TTC21B: variants seen among roughly 807,000 people sequenced by gnomAD.
TTC21B encodes the protein tetratricopeptide repeat protein 21B.
TTC21B carries 127 observed loss-of-function variants against 175.1 expected under a neutral mutation model. The ratio of observed to expected loss-of-function variants is 0.73; its 90% CI spans 0.63 to 0.84. The LOEUF (loss-of-function observed/expected upper bound fraction) is 0.84, where lower values mean the gene tolerates loss of function less well. Ranked by LOEUF, TTC21B falls within the 40% of genes least tolerant of loss-of-function variation. The pLI is 0.00. For synonymous variants in TTC21B, 524 were observed against 524.5 expected (o/e 1.00, Z 0.01); for missense variants, 1,561 against 1,558.3 (o/e 1.00, Z -0.03).
intron 17 of TTC21B, among the ~76,000 whole-genome samples, 182 bp downstream of exon 17, chr2:165,912,332 C>T (rs1486693881): frequency 6.6e-6 from 1 of 152,090 alleles, no homozygotes; most frequent in South Asian, 2.1e-4. Flanking sequence ...ATAATCACCA[C>T]GAAATGAAGC....
chr2:165,891,986 G>C (rs1310053199), intron 22 of TTC21B, among the ~76,000 whole-genome samples: 1 of 151,856 alleles, frequency 6.6e-6, no homozygotes, highest in Non-Finnish European at 1.5e-5. Context: ...GATTTTGATC[G>C]GTTTTGATTG....
chr2:165,951,019 A>T (rs1687747638), intron 1 of TTC21B, among the ~76,000 whole-genome samples: 1 of 152,102 alleles, frequency 6.6e-6, no homozygotes, highest in South Asian at 2.1e-4. Flanking sequence ...CCTCCTTGTG[A>T]TCACTGCTCC....
intron 27 of TTC21B, among the ~76,000 whole-genome samples, chr2:165,879,347 T>C (rs76633090): frequency 0.059 from 8,966 of 152,334 alleles, 872 homozygotes; most frequent in African/African-American, 0.2. Context: ...GATGACTTTA[T>C]TCTGAAAGAT....
chr2:165,885,206 T>C (rs1365235948), intron 25 of TTC21B, among the ~76,000 whole-genome samples: 4 of 152,270 alleles, frequency 2.6e-5, no homozygotes, highest in Non-Finnish European at 5.9e-5. Context: ...GTGATACCAT[T>C]ACTATAATAA....
intron 6 of TTC21B, chr2:165,934,105 T>C (rs1469592219): frequency 6.6e-6 from 1 of 152,162 alleles, no homozygotes; most frequent in Non-Finnish European, 1.5e-5. Flanking sequence ...TTATTATATG[T>C]CCTGACATTT....
chr2:165,933,543 C>G (rs1009225289), intron 6 of TTC21B, among the ~76,000 whole-genome samples: 5 of 152,052 alleles, frequency 3.3e-5, no homozygotes, highest in African/African-American at 1.2e-4. Context: ...AAAAACATAA[C>G]AGGCATAAAC....
intron 18 of TTC21B, among the ~76,000 whole-genome samples, 156 bp downstream of exon 18, chr2:165,911,171 T>C (rs1685918723): frequency 6.6e-6 from 1 of 152,188 alleles, no homozygotes; most frequent in Non-Finnish European, 1.5e-5. Context: ...TATCACATTT[T>C]AGTAGAGTGG....
At chr2:165,903,889 T>C (rs2105308519) in intron 19 of TTC21B, among the ~76,000 whole-genome samples, 1 of 152,176 alleles carries the variant, frequency 6.6e-6, no homozygotes, top group East Asian at 1.9e-4. Context: ...ATCTTAAGAT[T>C]TGTCTCTTTG....
At position 165,944,086 on chromosome 2, in the gene TTC21B, T is replaced by C. The variant is rs931265750; in HGVS notation, c.430-745A>G. 2.6e-5 allele frequency among the ~76,000 whole-genome samples: 4 copies of C among 152,242 alleles called. No individual in the cohort carries two copies. The East Asian group carries it at 7.7e-4, about 29-fold the overall frequency. On this transcript the variant is annotated intron_variant, in intron 4 of 28. Transcript: ENST00000243344. ...CCTGTATTTCACCCGAAAATACAAA[T>C]AAGGATCTTAACCAATGCTATGTGC...
At chr2:165,949,550 C>A in intron 2 of TTC21B, 45 bp downstream of exon 2, 1 of 1,613,668 alleles carries the variant, frequency 6.2e-7, no homozygotes, top group Non-Finnish European at 8.5e-7. Context: ...TAGTGCAAAG[C>A]AAGAATTTAA....
intron 18 of TTC21B, among the ~76,000 whole-genome samples, chr2:165,910,308 CAGG>C (rs2105316903): frequency 6.6e-6 from 1 of 151,974 alleles, no homozygotes; most frequent in African/African-American, 2.4e-5. Flanking sequence ...GAGGCTGAGG[CAGG>C]AGAATGGTGT....
chr2:165,929,826 AAT>A, intron 9 of TTC21B, 79 bp from the exon 10 acceptor site: 1 of 925,506 alleles, frequency 1.1e-6, no homozygotes, highest in South Asian at 1.3e-5. Context: ...TAACAACATT[AAT>A]AAAACACCCT....
At chr2:165,943,112 G>A in intron 5 of TTC21B, 107 bp downstream of exon 5, 1 of 1,094,842 alleles carries the variant, frequency 9.1e-7, no homozygotes, top group Non-Finnish European at 1.4e-6. Context: ...GCTGACAACA[G>A]TATCATGAAA....
chr2:165,901,931 AGGG>A (rs1299113715), intron 19 of TTC21B, 21 bp from the exon 20 acceptor site: 1 of 1,600,988 alleles, frequency 6.2e-7, no homozygotes, highest in African/African-American at 1.4e-5. Flanking sequence ...TCAGTATAAA[AGGG>A]AATAAAAAAA....
At chr2:165,940,241 A>C (rs945133597) in intron 6 of TTC21B, among the ~76,000 whole-genome samples, 15 of 152,184 alleles carry the variant, frequency 9.9e-5, no homozygotes, top group Non-Finnish European at 2.2e-4. Flanking sequence ...AACAGCTTTC[A>C]AAAGGTTCTC....
At chr2:165,939,572 A>T (rs966285949) in intron 6 of TTC21B, among the ~76,000 whole-genome samples, 10 of 152,034 alleles carry the variant, frequency 6.6e-5, no homozygotes, top group African/African-American at 2.4e-4. Flanking sequence ...TTTATTCTTG[A>T]TCTCATGGCT....
intron 1 of TTC21B, among the ~76,000 whole-genome samples, chr2:165,951,135 C>T (rs1208348115): frequency 6.6e-6 from 1 of 152,162 alleles, no homozygotes; most frequent in Non-Finnish European, 1.5e-5. Flanking sequence ...ATGCTCCATT[C>T]CCTAAAGTTG....
intron 11 of TTC21B, among the ~76,000 whole-genome samples, chr2:165,925,762 T>C (rs1336696059): frequency 6.6e-6 from 1 of 152,212 alleles, no homozygotes; most frequent in East Asian, 1.9e-4. Flanking sequence ...CCTTCTTTTA[T>C]AGGCCTACGG....
In TTC21B at chr2:165,874,823, C is replaced by T. The variant is rs1254511785; in HGVS notation, c.3883G>A (p.Ala1295Thr). 2 of 1,613,420 alleles carry T rather than the reference C, an allele frequency of 1.2e-6. No homozygotes were observed. The highest frequency in any genetic ancestry group is 1.3e-5 in the African/African-American group (1 of 74,902). The change falls in exon 29 of 29, where the codon GCA becomes ACA. Residue 1295 changes from alanine to threonine, a missense_variant. Coordinates refer to ENST00000243344, the MANE Select transcript of TTC21B (RefSeq NM_024753.5). The part of the protein sequence containing the change: ...SIDICHQVLE[A>T]HPTYPKIRKD... ...CTGATTTTTGGATAAGTTGGATGTG[C>T]TTCAAGAACCTGCAAAACAAATAAA...
Sources: gnomAD v4.1 joint callset for allele counts (sites outside exome capture counted in the v4.1 genomes callset) on GRCh38, gnomAD v4.1.1 for gene constraint, MANE v1.5 for transcripts, NCBI Gene and HGNC (gene_info 2026-07-23, HGNC 2026-07-21) for gene names.